The following SYNE1 variants were observed in gnomAD, a reference collection of about 807,000 sequenced individuals.
The protein encoded by SYNE1 is nesprin-1.
In SYNE1, 616 loss-of-function variants were observed where a neutral mutation model predicts 1,111.0. The ratio of observed to expected loss-of-function variants is 0.55; its 90% CI spans 0.52 to 0.59. The LOEUF (loss-of-function observed/expected upper bound fraction) is 0.59, where lower values mean the gene tolerates loss of function less well. Among genes scored for constraint, SYNE1 ranks in the 20% least tolerant of loss-of-function variants. The pLI is 0.00. For missense variants in SYNE1, 10,006 were observed against 10,417.0 expected, an observed-to-expected ratio of 0.96 and a Z score of 1.72; for synonymous variants, 3,855 against 3,825.8, an observed-to-expected ratio of 1.01 and a Z score of -0.28.
chr6:152,295,055 G>T (rs898872168), intron 93 of SYNE1, among the ~76,000 whole-genome samples: 1 of 152,202 alleles, frequency 6.6e-6, no homozygotes. Flanking sequence ...CCAGCCGTCT[G>T]AGAAACAAAT....
intron 39 of SYNE1, among the ~76,000 whole-genome samples, chr6:152,420,792 C>T (rs201890329): frequency 2.0e-5 from 3 of 151,860 alleles, no homozygotes; most frequent in African/African-American, 7.3e-5. Flanking sequence ...TTTTCCTTTC[C>T]AAGTCAAGAT....
intron 138 of SYNE1, among the ~76,000 whole-genome samples, chr6:152,143,230 AC>A (rs200444447): frequency 8.3e-4 from 127 of 152,326 alleles, no homozygotes; most frequent in African/African-American, 3.0e-3. Context: ...GAAAAGAACT[AC>A]CAAAAAAACT....
rs1437138920 is a variant in SYNE1, at chr6:152,501,542, C to T, written c.888+1091G>A. Among the ~76,000 whole-genome samples, 6 of 152,108 alleles carry T rather than the reference C, an allele frequency of 3.9e-5. No individual in the cohort carries two copies. The East Asian group carries it at 1.2e-3, about 29-fold the overall frequency. ...TTGAGGTCAGGAGTCTGAGACTAGC[C>T]TGGCCAACATGTGAAACCCAATCTC... On this transcript the variant is annotated intron_variant, in intron 10 of 145. Transcript: ENST00000367255.
chr6:152,168,344 A>T (rs565908482), intron 130 of SYNE1: 12 of 595,754 alleles, frequency 2.0e-5, no homozygotes, highest in Non-Finnish European at 3.0e-5. Context: ...GCCCGATAAC[A>T]TGACACTGGG....
chr6:152,556,683 T>C (rs1191711717), intron 3 of SYNE1, among the ~76,000 whole-genome samples: 10 of 152,292 alleles, frequency 6.6e-5, no homozygotes, highest in African/African-American at 2.4e-4. Flanking sequence ...GCTAAGATGA[T>C]GAGAGGACCA....
At chr6:152,506,127 G>A (rs965224454) in intron 8 of SYNE1, among the ~76,000 whole-genome samples, 1 of 152,302 alleles carries the variant, frequency 6.6e-6, no homozygotes, top group African/African-American at 2.4e-5. Context: ...TTAACTCAAA[G>A]CCAGTTATTA....
chr6:152,482,571 A>T (rs1015013369), intron 14 of SYNE1, among the ~76,000 whole-genome samples: 1 of 152,206 alleles, frequency 6.6e-6, no homozygotes, highest in Non-Finnish European at 1.5e-5. Flanking sequence ...ATTGGAAATT[A>T]TACCATATAC....
intron 62 of SYNE1, among the ~76,000 whole-genome samples, chr6:152,366,522 C>A (rs898499959): frequency 1.3e-5 from 2 of 152,048 alleles, no homozygotes; most frequent in Admixed American, 1.3e-4. Flanking sequence ...AAAATTTAAA[C>A]CCCACACAAC....
intron 78 of SYNE1, 110 bp downstream of exon 78, chr6:152,329,620 T>G: frequency 7.1e-7 from 1 of 1,416,380 alleles, no homozygotes; most frequent in Non-Finnish European, 9.9e-7. Context: ...TGTGTAGTAT[T>G]TCGAAAGAAA....
chr6:152,365,752 G>T (rs558267599), intron 62 of SYNE1, among the ~76,000 whole-genome samples: 3 of 151,864 alleles, frequency 2.0e-5, no homozygotes, highest in Non-Finnish European at 4.4e-5. Context: ...AAGCCACTGC[G>T]CCCGGCCAGA....
At chr6:152,472,257 G>C in intron 15 of SYNE1, 44 bp downstream of exon 15, 1 of 1,485,602 alleles carries the variant, frequency 6.7e-7, no homozygotes, top group African/African-American at 1.4e-5. Context: ...CGTCCACCTA[G>C]TGTTTTAAAA....
intron 6 of SYNE1, among the ~76,000 whole-genome samples, chr6:152,511,390 T>G (rs1044532009): frequency 1.4e-4 from 21 of 152,092 alleles, no homozygotes; most frequent in Admixed American, 1.3e-3. Context: ...CCAACAAAAA[T>G]GTCAAACAGA....
intron 61 of SYNE1, chr6:152,368,587 ATCTGGGATTATTTAGAACAAAAAC>A (rs2097125274): frequency 1.0e-5 from 2 of 194,918 alleles, no homozygotes; most frequent in East Asian, 2.5e-4. Context: ...AAGTAATTTA[ATCTGGGATTATTTAGAACAAAAAC>A]TCTGGGATTA....
Position 152,564,935 on chromosome 6 carries a change from T to A in SYNE1, c.68-24914A>T, listed in dbSNP as rs1339510012. Reference sequence around the variant, plus strand: ...ATCACTGTAAATATTAAGTTAGATATTTTATGTAAATGCTGTGTCCAACAC... The same window carrying A: ...ATCACTGTAAATATTAAGTTAGATAATTTATGTAAATGCTGTGTCCAACAC... On this transcript the variant is annotated intron_variant, in intron 3 of 145. Transcript: ENST00000367255. Among the ~76,000 whole-genome samples, 3 of 152,194 alleles carry A rather than the reference T, an allele frequency of 2.0e-5. No homozygotes were observed. The East Asian group carries it at 5.8e-4, about 29-fold the overall frequency.
rs185710614 is a variant in SYNE1, at chr6:152,551,684, G to A, written c.68-11663C>T. Among the ~76,000 whole-genome samples the A allele has an allele frequency of 2.0e-5, 3 of 152,310 alleles. No homozygotes were observed. In the East Asian group the frequency reaches 5.8e-4, roughly 29 times the overall value. On this transcript the variant is annotated intron_variant, in intron 3 of 145. Transcript: ENST00000367255. ...GATTATTCTTGTGGAAAACATGAAA[G>A]CCTACCCTCCTACTGTTTGCTACAA...
rs953053821 is a variant in SYNE1, at chr6:152,453,393, A to T, written c.3027+193T>A. ...ATAGGATAAAATTGATGCTGATAAT[A>T]AATAGGAATAACACAATTCTATCAT... On this transcript the variant is annotated intron_variant, in intron 25 of 145. Coordinates refer to ENST00000367255, the MANE Select transcript of SYNE1 (RefSeq NM_182961.4). The T allele has an allele frequency of 7.9e-6, 6 of 760,746 alleles. No homozygotes were observed. In the African/African-American group the frequency reaches 1.0e-4, roughly 13 times the overall value. The allele number at this position is 760,746 out of a possible 1,614,324, so 47.1% of individuals were successfully genotyped here.
intron 5 of SYNE1, 26 bp downstream of exon 5, chr6:152,526,054 G>T (rs771785241): frequency 2.4e-5 from 38 of 1,601,088 alleles, no homozygotes; most frequent in Non-Finnish European, 3.2e-5. Context: ...AATTTGACAA[G>T]TATGATCACA....
At chr6:152,621,899 A>T (rs78119713) in intron 3 of SYNE1, among the ~76,000 whole-genome samples, 1,550 of 152,278 alleles carry the variant, frequency 0.01, 20 homozygotes, top group African/African-American at 0.036. Flanking sequence ...ATAGTAAAAA[A>T]CCACTCGATT....
chr6:152,233,820 C>G lies in SYNE1; in HGVS notation c.20673G>C (p.Leu6891=). ...CCTGGACGGCTGGGATATTGGTTAG[C>G]AGGTCAGTCCACTGGCTATCAATGC... is the stretch of plus-strand genomic sequence containing the variant. The part of the protein sequence containing the change: ...LSRIDSQWTD[L]LTNIPAVQEK... The change falls in exon 112 of 146, where the codon CTG becomes CTC. Residue 6891 remains leucine, a synonymous_variant. Transcript: ENST00000367255. 1 of 1,614,176 alleles carries G rather than the reference C, an allele frequency of 6.2e-7. No individual in the cohort carries two copies. Among genetic ancestry groups the G allele is most frequent in the Non-Finnish European group, 8.5e-7 (1 of 1,180,030 alleles).
Sources: allele counts gnomAD v4.1 joint callset (sites outside exome capture counted in the v4.1 genomes callset), GRCh38; gene constraint gnomAD v4.1.1; transcripts MANE v1.5; gene names NCBI Gene and HGNC (gene_info 2026-07-23, HGNC 2026-07-21).